Variants in PPFIBP2 observed in about 807,000 individuals in gnomAD.
PPFIBP2 encodes PPFIB scaffold protein 2, also known as liprin-beta-2.
Under a neutral mutation model 118.3 loss-of-function variants are expected in PPFIBP2, and 118 were observed. That is an observed-to-expected ratio of 1.00 (90% CI 0.86 to 1.16). The LOEUF (loss-of-function observed/expected upper bound fraction) is 1.16. PPFIBP2 is among the 50% of genes most tolerant of loss of function. The pLI is 0.00. For missense variants in PPFIBP2, 1,195 were observed against 1,073.1 expected, an observed-to-expected ratio of 1.11 and a Z score of -1.59; for synonymous variants, 414 against 397.4, an observed-to-expected ratio of 1.04 and a Z score of -0.50.
At position 7,637,120 on chromosome 11, in the gene PPFIBP2, C is replaced by T. The variant is rs76850202; in HGVS notation, c.1236+1527C>T. Among the ~76,000 whole-genome samples the T allele has an allele frequency of 8.0e-3, 1,214 of 152,352 alleles. 9 individuals are homozygous for T. Among genetic ancestry groups the T allele is most frequent in the African/African-American group, 0.027 (1,112 of 41,582 alleles). On this transcript the variant is annotated intron_variant, in intron 14 of 23. Transcript: ENST00000299492. ...TGACAGCTCTGGAATTTAAGTCCCT[C>T]ATGCCCTCTCTGAGTGCTCTGTTCT...
chr11:7,573,920 C>G (rs1397198162), intron 3 of PPFIBP2: 1 of 152,212 alleles, frequency 6.6e-6, no homozygotes, highest in Non-Finnish European at 1.5e-5. Context: ...ACAGTTCTGC[C>G]TGATAAGATG....
chr11:7,529,385 A>G (rs1306837939), intron 1 of PPFIBP2, among the ~76,000 whole-genome samples: 1 of 152,238 alleles, frequency 6.6e-6, no homozygotes, highest in Non-Finnish European at 1.5e-5. Context: ...TACACATCGT[A>G]TATGGAAACC....
chr11:7,542,041 A>G (rs943719837), intron 1 of PPFIBP2, among the ~76,000 whole-genome samples: 2 of 152,164 alleles, frequency 1.3e-5, no homozygotes, highest in African/African-American at 4.8e-5. Context: ...CGTCCCCTGC[A>G]GTCTATTTTC....
intron 17 of PPFIBP2, 189 bp from the exon 18 acceptor site, chr11:7,648,198 G>C (rs2135981533): frequency 1.7e-6 from 1 of 581,972 alleles, no homozygotes; most frequent in Non-Finnish European, 2.9e-6. Flanking sequence ...GAAAACTCTA[G>C]GGTCTACCTC....
the PPFIBP2 span, among the ~76,000 whole-genome samples, chr11:7,662,764 C>T: frequency 6.6e-6 from 1 of 151,476 alleles, no homozygotes; most frequent in Admixed American, 6.6e-5. Flanking sequence ...GTTCCATTCT[C>T]CCCATCACAT....
At chr11:7,660,968 G>A (rs995577028), downstream of PPFIBP2, among the ~76,000 whole-genome samples, 3 of 151,832 alleles carry the variant, frequency 2.0e-5, no homozygotes, top group Non-Finnish European at 4.4e-5. Flanking sequence ...ATGGTAGTTT[G>A]TATTTCTGTG....
chr11:7,665,969 A>G, the PPFIBP2 span: 4 of 1,496,506 alleles, frequency 2.7e-6, no homozygotes, highest in South Asian at 3.6e-5. Flanking sequence ...AGCCGGGAGC[A>G]GTGTGAGAGG....
intron 6 of PPFIBP2, among the ~76,000 whole-genome samples, chr11:7,611,224 T>C (rs1830765117): frequency 6.6e-6 from 1 of 152,260 alleles, no homozygotes. Context: ...TTTCTGAACT[T>C]CAATTTCTTT....
intron 2 of PPFIBP2, among the ~76,000 whole-genome samples, chr11:7,561,542 G>A (rs768163070): frequency 2.6e-4 from 39 of 152,016 alleles, no homozygotes; most frequent in Non-Finnish European, 5.4e-4. Context: ...TTCTAGTTCA[G>A]TTTTTTAAGT....
At chr11:7,617,238 G>T (rs965203537) in intron 6 of PPFIBP2, 1 of 985,318 alleles carries the variant, frequency 1.0e-6, no homozygotes, top group Non-Finnish European at 1.2e-6. Context: ...GGCCAGCGAC[G>T]GTGTGGCCGA....
At chr11:7,518,823 T>G (rs2134234550) in intron 1 of PPFIBP2, among the ~76,000 whole-genome samples, 1 of 152,266 alleles carries the variant, frequency 6.6e-6, no homozygotes, top group East Asian at 1.9e-4. Flanking sequence ...ACTCTAGCAC[T>G]GGCGCTGAAG....
At chr11:7,656,906 C>A, downstream of PPFIBP2, 1 of 798,774 alleles carries the variant, frequency 1.3e-6, no homozygotes, top group Non-Finnish European at 1.8e-6. Context: ...TCCGGGCTGG[C>A]AGGGTGTCTC....
At position 7,632,055 on chromosome 11, in the gene PPFIBP2, T is replaced by A. The variant is rs562267520; in HGVS notation, c.1069-812T>A. Among the ~76,000 whole-genome samples the A allele has an allele frequency of 1.2e-3, 183 of 152,368 alleles. 1 individual carries two copies. The highest frequency in any genetic ancestry group is 7.5e-3 in the East Asian group (39 of 5,186). On this transcript the variant is annotated intron_variant, in intron 11 of 23. Transcript: ENST00000299492. Reference sequence around the variant, plus strand: ...TAGCTCAAGGTGGCTCCGCCTGTGATGCTAGGTGCACTGCTGAAGGCACAG... The same window carrying A: ...TAGCTCAAGGTGGCTCCGCCTGTGAAGCTAGGTGCACTGCTGAAGGCACAG...
intron 2 of PPFIBP2, 117 bp from the exon 3 acceptor site, chr11:7,565,436 C>T (rs886815866): frequency 2.9e-6 from 3 of 1,051,332 alleles, no homozygotes; most frequent in African/African-American, 1.6e-5. Context: ...ATGCCCAGCT[C>T]ACCCCCAGCT....
chr11:7,641,374 C>T lies in PPFIBP2; in HGVS notation c.1376-105C>T, dbSNP rs1287121726. 6 of 1,306,664 alleles carry T rather than the reference C, an allele frequency of 4.6e-6. No individual in the cohort carries two copies. The Admixed American group carries it at 8.4e-5, about 18-fold the overall frequency. 80.9% of individuals were successfully genotyped at this position (1,306,664 alleles called of 1,614,324 possible). A position where few individuals can be genotyped will look rare whatever the true frequency, so the allele number is the denominator to read the frequency against. On this transcript the variant is annotated intron_variant, in intron 15 of 23. Transcript: ENST00000299492. ...GTTCTGCCCTGAAGGCAGAACTGGG[C>T]AGATTCTCTGGACTCCCACTGAAGG...
chr11:7,524,626 A>G (rs949028460), intron 1 of PPFIBP2, among the ~76,000 whole-genome samples: 3 of 152,224 alleles, frequency 2.0e-5, no homozygotes, highest in African/African-American at 7.2e-5. Flanking sequence ...AAGTGAAAGT[A>G]GGCACATAAA....
At chr11:7,519,079 G>C (rs1849497709) in intron 1 of PPFIBP2, among the ~76,000 whole-genome samples, 1 of 152,310 alleles carries the variant, frequency 6.6e-6, no homozygotes, top group East Asian at 1.9e-4. Flanking sequence ...TGTAGGAAAA[G>C]AAGTGGGTAC....
intron 23 of PPFIBP2, among the ~76,000 whole-genome samples, 169 bp downstream of exon 23, chr11:7,652,013 C>T (rs1854101471): frequency 6.6e-6 from 1 of 152,246 alleles, no homozygotes; most frequent in Non-Finnish European, 1.5e-5. Context: ...TTTGTTAAGC[C>T]AGTTCTCCAC....
chr11:7,646,445 AAT>A (rs1853075008), intron 17 of PPFIBP2, among the ~76,000 whole-genome samples: 1 of 152,270 alleles, frequency 6.6e-6, no homozygotes, highest in South Asian at 2.1e-4. Flanking sequence ...ATAGAAGATA[AAT>A]ATTGATCAGT....
Sources: allele counts gnomAD v4.1 joint callset (sites outside exome capture counted in the v4.1 genomes callset), GRCh38; gene constraint gnomAD v4.1.1; transcripts MANE v1.5; gene names NCBI Gene and HGNC (gene_info 2026-07-23, HGNC 2026-07-21).